The following BAZ1A variants were observed in gnomAD, a reference collection of about 807,000 sequenced individuals.
The protein encoded by BAZ1A is bromodomain adjacent to zinc finger domain 1A.
A neutral mutation model predicts 185.2 loss-of-function variants in BAZ1A; 50 were observed. That is an observed-to-expected ratio of 0.27 (90% CI 0.22 to 0.34). The LOEUF is 0.34. Among genes scored for constraint, BAZ1A ranks in the 10% least tolerant of loss-of-function variants. BAZ1A has a pLI of 1.00. For synonymous variants in BAZ1A, 571 were observed against 615.6 expected (o/e 0.93, Z 1.07); for missense variants, 1,356 against 1,839.9 (o/e 0.74, Z 4.81).
At chr14:34,832,213 C>CATATATATATATATATATATAT (rs1491212993) in intron 3 of BAZ1A, among the ~76,000 whole-genome samples, 217 of 78,458 alleles carry the variant, frequency 2.8e-3, no homozygotes, top group Middle Eastern at 0.013. Flanking sequence ...CACACACACA[C>CATATATATATATATATATATAT]ACATATATAT....
At chr14:34,850,388 GAACA>G (rs1402134289) in intron 3 of BAZ1A, among the ~76,000 whole-genome samples, 3 of 152,050 alleles carry the variant, frequency 2.0e-5, no homozygotes, top group African/African-American at 4.8e-5. Flanking sequence ...AAAAACAAAT[GAACA>G]AACAAAAAGT....
At position 34,875,359 on chromosome 14, in the gene BAZ1A, A is replaced by T. The variant is rs950268738; in HGVS notation, c.-280T>A. The T allele has an allele frequency of 6.6e-6, 3 of 455,986 alleles. No homozygotes were observed. In the Admixed American group the frequency reaches 7.0e-5, roughly 11 times the overall value. 28.2% of individuals were successfully genotyped at this position (455,986 alleles called of 1,614,324 possible). A position where few individuals can be genotyped will look rare whatever the true frequency, so the allele number is the denominator to read the frequency against. ...GTTTCTGATCTACTTTCGGCTCTGAAGGAGGAAGAGCTGTTGGGAGGAGCT... is the reference window on the plus strand; with the variant it reads ...GTTTCTGATCTACTTTCGGCTCTGATGGAGGAAGAGCTGTTGGGAGGAGCT... On this transcript the variant is annotated 5_prime_UTR_variant, in exon 1 of 27. Transcript: ENST00000360310.
chr14:34,851,971 C>CA (rs1360508669), intron 3 of BAZ1A, among the ~76,000 whole-genome samples: 2 of 150,898 alleles, frequency 1.3e-5, no homozygotes, highest in Non-Finnish European at 1.5e-5. Context: ...ACTAAAAATA[C>CA]AAAAAATTAG....
chr14:34,861,053 AACAT>A (rs1308487911), intron 3 of BAZ1A, among the ~76,000 whole-genome samples: 1 of 152,214 alleles, frequency 6.6e-6, no homozygotes, highest in East Asian at 1.9e-4. Flanking sequence ...CATTAATTCT[AACAT>A]TACATACAAA....
intron 3 of BAZ1A, among the ~76,000 whole-genome samples, chr14:34,849,196 A>G (rs2042560781): frequency 6.6e-6 from 1 of 152,182 alleles, no homozygotes; most frequent in South Asian, 2.1e-4. Flanking sequence ...AGGCTGAAGC[A>G]GAAGGATTGC....
At chr14:34,862,407 T>A in intron 2 of BAZ1A, 85 bp from the exon 3 acceptor site, 2 of 1,472,170 alleles carry the variant, frequency 1.4e-6, no homozygotes. Context: ...CATTATCAGG[T>A]TATTTTTGTG....
intron 20 of BAZ1A, among the ~76,000 whole-genome samples, chr14:34,772,176 G>A (rs546028558): frequency 2.6e-5 from 4 of 152,072 alleles, no homozygotes; most frequent in South Asian, 2.1e-4. Context: ...GGCTGGTCTC[G>A]AATGCCTGAC....
At chr14:34,805,104 T>C (rs1013335061) in intron 6 of BAZ1A, among the ~76,000 whole-genome samples, 4 of 152,244 alleles carry the variant, frequency 2.6e-5, no homozygotes, top group African/African-American at 9.6e-5. Context: ...CTGCCAGCCA[T>C]GTGAAGATGT....
chr14:34,839,606 G>A (rs1259877960), intron 3 of BAZ1A, among the ~76,000 whole-genome samples: 16 of 149,988 alleles, frequency 1.1e-4, no homozygotes, highest in African/African-American at 3.9e-4. Flanking sequence ...CACTTTGGGA[G>A]GCCAAGGTGG....
intron 3 of BAZ1A, among the ~76,000 whole-genome samples, chr14:34,829,267 GAAAA>G (rs60176426): frequency 0.02 from 1,730 of 86,256 alleles, 18 homozygotes; most frequent in South Asian, 0.036. Context: ...CTCTGTCTCT[GAAAA>G]AAAAAAAAAA....
At chr14:34,795,558 C>T (rs557814992) in intron 10 of BAZ1A, 112 bp downstream of exon 10, 10 of 657,200 alleles carry the variant, frequency 1.5e-5, no homozygotes, top group South Asian at 8.8e-5. Flanking sequence ...TATTTCCTCT[C>T]GGTTAAATAT....
intron 3 of BAZ1A, among the ~76,000 whole-genome samples, chr14:34,840,067 C>T (rs2042391020): frequency 1.3e-5 from 2 of 151,974 alleles, no homozygotes; most frequent in Admixed American, 6.6e-5. Flanking sequence ...TATCTGAATA[C>T]AAGTTTTTAT....
chr14:34,817,329 T>C (rs928475954), intron 4 of BAZ1A, among the ~76,000 whole-genome samples: 120 of 152,326 alleles, frequency 7.9e-4, no homozygotes, highest in African/African-American at 2.7e-3. Context: ...GGCTCATGCC[T>C]GTAATCTCGG....
chr14:34,851,120 G>T (rs2042589663), intron 3 of BAZ1A, among the ~76,000 whole-genome samples: 1 of 151,894 alleles, frequency 6.6e-6, no homozygotes, highest in Non-Finnish European at 1.5e-5. Flanking sequence ...ATCACTTGAG[G>T]CCAGGAGTTC....
intron 3 of BAZ1A, among the ~76,000 whole-genome samples, chr14:34,828,293 CAAA>C (rs369878009): frequency 2.4e-5 from 2 of 83,558 alleles, no homozygotes; most frequent in African/African-American, 4.9e-5. Context: ...AACTCCGTCT[CAAA>C]AAAAAAAAAA....
chr14:34,832,215 C>CACACACATATATATATATAT, intron 3 of BAZ1A, among the ~76,000 whole-genome samples: 25 of 89,700 alleles, frequency 2.8e-4, no homozygotes, highest in Middle Eastern at 0.011. Context: ...CACACACACA[C>CACACACATATATATATATAT]ATATATATAT....
rs746105424 is a variant in BAZ1A, at chr14:34,826,086, T to G, written c.463A>C (p.Ser155Arg). The G allele has an allele frequency of 1.2e-6, 2 of 1,612,246 alleles. No individual in the cohort carries two copies. The highest frequency in any genetic ancestry group is 3.3e-5 in the Admixed American group (2 of 59,872). ...QNGFANGHVN[S>R]VDGETIIISD... ...ATGATAATAGTTTCTCCATCCACAC[T>G]GTTAACATGTCCATTAGCAAAACCA... Residue 155 changes from serine (S) to arginine (R), a missense_variant, in exon 4 of 27, where the codon AGT (serine) becomes CGT (arginine). Transcript: ENST00000360310.
intron 3 of BAZ1A, among the ~76,000 whole-genome samples, chr14:34,855,485 C>T (rs1304158031): frequency 6.6e-6 from 1 of 152,174 alleles, no homozygotes; most frequent in African/African-American, 2.4e-5. Flanking sequence ...ATTGTTCTTT[C>T]GTCAGTTAAG....
intron 2 of BAZ1A, among the ~76,000 whole-genome samples, chr14:34,872,935 A>AAAC (rs2042974009): frequency 1.5e-5 from 2 of 130,646 alleles, no homozygotes; most frequent in Non-Finnish European, 3.5e-5. Flanking sequence ...AAAAAAAAAA[A>AAAC]AAAAAACTTG....
Sources: allele counts gnomAD v4.1 joint callset (sites outside exome capture counted in the v4.1 genomes callset), GRCh38; gene constraint gnomAD v4.1.1; transcripts MANE v1.5; gene names NCBI Gene and HGNC (gene_info 2026-07-23, HGNC 2026-07-21).